Variants in ATM observed in about 807,000 individuals in gnomAD.
The protein encoded by ATM is serine-protein kinase ATM.
ATM carries 308 observed loss-of-function variants against 387.0 expected under a neutral mutation model. The ratio of observed to expected loss-of-function variants is 0.80; its 90% CI spans 0.73 to 0.87. The LOEUF (loss-of-function observed/expected upper bound fraction) is 0.87. Ranked by LOEUF, ATM falls within the 40% of genes least tolerant of loss-of-function variation. The pLI, the probability that ATM is intolerant of heterozygous loss-of-function variation, is 0.00. For synonymous variants in ATM, 1,156 were observed against 1,187.3 expected, an observed-to-expected ratio of 0.97 and a Z score of 0.54; for missense variants, 3,312 against 3,560.9, an observed-to-expected ratio of 0.93 and a Z score of 1.78.
chr11:108,248,859 A>C, intron 8 of ATM, 74 bp from the exon 9 acceptor site: 1 of 1,343,318 alleles, frequency 7.4e-7, no homozygotes, highest in Non-Finnish European at 1.0e-6. Flanking sequence ...TTCCACTCCA[A>C]CCTGGGCAAC....
intron 9 of ATM, among the ~76,000 whole-genome samples, chr11:108,249,327 G>A (rs981403096): frequency 1.6e-4 from 25 of 152,110 alleles, no homozygotes; most frequent in Non-Finnish European, 3.7e-4. Context: ...TAATCATATT[G>A]TCATAGCAAG....
intron 56 of ATM, among the ~76,000 whole-genome samples, chr11:108,339,943 A>G (rs1463088744): frequency 6.6e-6 from 1 of 152,202 alleles, no homozygotes; most frequent in Non-Finnish European, 1.5e-5. Flanking sequence ...TCATTTGTTT[A>G]TTCAATAAAT....
chr11:108,332,708 A>G lies in ATM; in HGVS notation c.7789-54A>G, dbSNP rs1018780211. 3.2e-6 allele frequency: 5 copies of G among 1,570,144 alleles called. No individual in the cohort carries two copies. In the African/African-American group the frequency reaches 4.1e-5, roughly 13 times the overall value. On this transcript the variant is annotated intron_variant, in intron 52 of 62. Transcript: ENST00000675843. ...TTCTCTTTGTTTTTCTAACTCTGAG[A>G]AGTTTAAATGTTGGGTAGTTCCTTA...
intron 7 of ATM, among the ~76,000 whole-genome samples, chr11:108,246,089 G>A (rs987607252): frequency 6.6e-6 from 1 of 151,984 alleles, no homozygotes; most frequent in Admixed American, 6.6e-5. Flanking sequence ...CTCCCAAAGT[G>A]CTGAGATTAC....
At chr11:108,284,078 C>T in intron 25 of ATM, 149 bp from the exon 26 acceptor site, 16 of 604,830 alleles carry the variant, frequency 2.6e-5, no homozygotes, top group Non-Finnish European at 3.4e-5. Flanking sequence ...TTAATTTTTC[C>T]ATTTATAAAA....
chr11:108,289,997 A>G, intron 29 of ATM, 196 bp downstream of exon 29: 3 of 536,768 alleles, frequency 5.6e-6, no homozygotes, highest in South Asian at 4.5e-5. Flanking sequence ...AGCTGGGGCT[A>G]CAGGAGCATA....
chr11:108,304,786 T>G lies in ATM; in HGVS notation c.5608T>G (p.Phe1870Val), dbSNP rs1348637208. The change falls in exon 37 of 63, where the codon TTC (phenylalanine) becomes GTC (valine). Residue 1870 changes from phenylalanine (F) to valine (V), a missense_variant. Physicochemically the swap from Phe to Val is conservative, Grantham distance 50 (BLOSUM62 -1). Transcript: ENST00000675843. The part of the protein sequence containing the change: ...NLLSTHVQGF[F>V]TSCLRHFSQT... Reference sequence around the variant, plus strand: ...GCTTTCTACACATGTTCAGGGATTTTTCACCAGCTGTCTTCGACACTTCTC... The same window carrying G: ...GCTTTCTACACATGTTCAGGGATTTGTCACCAGCTGTCTTCGACACTTCTC... The G allele has an allele frequency of 6.2e-7, 1 of 1,614,010 alleles. No homozygotes were observed. The highest frequency in any genetic ancestry group is 8.5e-7 in the Non-Finnish European group (1 of 1,179,990).
rs764048041 is a variant in ATM, at chr11:108,244,963, A to G, written c.838A>G (p.Ile280Val). 3 of 1,613,222 alleles carry G rather than the reference A, an allele frequency of 1.9e-6. No individual in the cohort carries two copies. Among genetic ancestry groups the G allele is most frequent in the Admixed American group, 3.3e-5 (2 of 60,006 alleles). ...TAATGATTCTTTAAAAGAAGTCATT[A>G]TTGAATTATTTCAACTGCAAATTTA... Reference protein sequence around the residue: ...RLNDSLKEVIIELFQLQIYIH... With the variant: ...RLNDSLKEVIVELFQLQIYIH... The change falls in exon 7 of 63, where the codon ATT (isoleucine) becomes GTT (valine). Residue 280 changes from isoleucine to valine, a missense_variant. Transcript: ENST00000675843.
chr11:108,291,579 A>G (rs1839585511), intron 29 of ATM, among the ~76,000 whole-genome samples: 1 of 152,188 alleles, frequency 6.6e-6, no homozygotes, highest in African/African-American at 2.4e-5. Context: ...CCTATTGTAG[A>G]TATTTTAATC....
At chr11:108,321,179 G>C (rs1298053869) in intron 44 of ATM, 122 bp from the exon 45 acceptor site, 1 of 1,297,830 alleles carries the variant, frequency 7.7e-7, no homozygotes, top group Non-Finnish European at 1.1e-6. Context: ...ACTGTTGCTT[G>C]TTAGTATTAT....
intron 32 of ATM, chr11:108,295,664 C>CTT: frequency 6.6e-6 from 1 of 152,206 alleles, no homozygotes. Flanking sequence ...ATTTCTTTTT[C>CTT]TTTTTTTTTA....
At chr11:108,291,137 G>A (rs1459019636) in intron 29 of ATM, among the ~76,000 whole-genome samples, 1 of 152,114 alleles carries the variant, frequency 6.6e-6, no homozygotes, top group Non-Finnish European at 1.5e-5. Flanking sequence ...TCAGGAGGCT[G>A]AGGCAGGAAA....
intron 42 of ATM, among the ~76,000 whole-genome samples, chr11:108,317,116 A>T (rs966863801): frequency 1.3e-5 from 2 of 150,246 alleles, no homozygotes; most frequent in Non-Finnish European, 3.0e-5. Flanking sequence ...AAAAAAAAAA[A>T]AATTGTAGAG....
chr11:108,277,498 G>A (rs2082008298), intron 22 of ATM, among the ~76,000 whole-genome samples: 1 of 152,180 alleles, frequency 6.6e-6, no homozygotes, highest in Non-Finnish European at 1.5e-5. Context: ...TGGTGGTGTA[G>A]GCACCCAAGG....
intron 45 of ATM, among the ~76,000 whole-genome samples, chr11:108,323,742 GT>G (rs754667640): frequency 1.3e-5 from 2 of 152,180 alleles, no homozygotes; most frequent in Non-Finnish European, 2.9e-5. Context: ...TAATCTGGCT[GT>G]TTCTTTGGTA....
chr11:108,318,981 G>C (rs932426973), intron 43 of ATM, among the ~76,000 whole-genome samples: 2 of 152,008 alleles, frequency 1.3e-5, no homozygotes, highest in Admixed American at 1.3e-4. Context: ...TTCAAGACAA[G>C]CTTGGGCAAC....
intron 61 of ATM, among the ~76,000 whole-genome samples, chr11:108,357,684 C>G (rs972254931): frequency 1.5e-4 from 23 of 152,262 alleles, no homozygotes; most frequent in South Asian, 6.2e-4. Context: ...AGCAGGGGCA[C>G]ACTGACACCT....
intron 22 of ATM, 111 bp from the exon 23 acceptor site, chr11:108,279,380 T>C (rs764933634): frequency 1.4e-5 from 11 of 793,080 alleles, no homozygotes; most frequent in Non-Finnish European, 2.1e-5. Flanking sequence ...AGTATGTTAT[T>C]ATGTCTCACA....
chr11:108,331,742 C>T, intron 51 of ATM, 137 bp from the exon 52 acceptor site: 1 of 1,288,928 alleles, frequency 7.8e-7, no homozygotes, highest in Non-Finnish European at 1.1e-6. Context: ...CTGCCTTTTT[C>T]TCACACATGC....
Sources: gnomAD v4.1 joint callset for allele counts (sites outside exome capture counted in the v4.1 genomes callset) on GRCh38, gnomAD v4.1.1 for gene constraint, MANE v1.5 for transcripts, NCBI Gene and HGNC (gene_info 2026-07-23, HGNC 2026-07-21) for gene names.